Variants in DMXL2 observed in about 807,000 individuals in gnomAD.
DMXL2 encodes dmX-like protein 2.
A neutral mutation model predicts 331.1 loss-of-function variants in DMXL2; 103 were observed. That is an observed-to-expected ratio of 0.31 (90% confidence interval 0.27 to 0.37). The LOEUF is 0.37. DMXL2 is among the 10% of genes least tolerant of loss of function. The probability of loss-of-function intolerance (pLI) is 1.00; values close to 1 mark genes in which losing one functional copy is unlikely to be tolerated. For synonymous variants in DMXL2, 1,281 were observed against 1,252.1 expected (o/e 1.02, Z -0.49); for missense variants, 3,171 against 3,642.9 (o/e 0.87, Z 3.33).
intron 15 of DMXL2, 57 bp from the exon 16 acceptor site, chr15:51,507,310 A>C (rs2046463711): frequency 9.9e-6 from 15 of 1,510,714 alleles, no homozygotes; most frequent in Non-Finnish European, 1.3e-5. Context: ...GGTTAAAAAA[A>C]CACTTTTTAA....
At chr15:51,504,475 T>C (rs2043911533) in intron 16 of DMXL2, among the ~76,000 whole-genome samples, 1 of 152,240 alleles carries the variant, frequency 6.6e-6, no homozygotes, top group African/African-American at 2.4e-5. Flanking sequence ...TTCAGTTATC[T>C]GTTCTTCCGT....
At chr15:51,515,192 A>G (rs929728356) in intron 14 of DMXL2, among the ~76,000 whole-genome samples, 10 of 152,172 alleles carry the variant, frequency 6.6e-5, no homozygotes, top group African/African-American at 2.4e-4. Context: ...CTCCATGACC[A>G]TGTTTTAAGA....
At position 51,617,105 on chromosome 15, in the gene DMXL2, C is replaced by T. The variant is rs367685170; in HGVS notation, c.87+5354G>A. On this transcript the variant is annotated intron_variant, in intron 1 of 43. Transcript: ENST00000560891. ...TCTACTGTGCCATTATGGTTGTCAC[C>T]CAACATCCTGTGCTCTTTCAGATAA... is the stretch of plus-strand genomic sequence containing the variant. 1.1e-4 allele frequency among the ~76,000 whole-genome samples: 16 copies of T among 152,136 alleles called. No homozygotes were observed. The East Asian group carries it at 2.1e-3, about 20-fold the overall frequency.
chr15:51,594,335 G>A (rs888180994), intron 1 of DMXL2, among the ~76,000 whole-genome samples: 8 of 152,084 alleles, frequency 5.3e-5, no homozygotes, highest in East Asian at 1.9e-4. Context: ...TAAATTCCTC[G>A]ACACATACAC....
intron 8 of DMXL2, among the ~76,000 whole-genome samples, chr15:51,542,785 A>AT (rs984768941): frequency 2.6e-4 from 39 of 151,274 alleles, no homozygotes; most frequent in East Asian, 1.4e-3. Context: ...AGGTCCAAAG[A>AT]TTTTTTTTTC....
In DMXL2 at chr15:51,491,657, G is replaced by A. The variant is rs1295551782; in HGVS notation, c.4874C>T (p.Pro1625Leu). 1.2e-6 allele frequency: 2 copies of A among 1,613,328 alleles called. No homozygotes were observed. Among genetic ancestry groups the A allele is most frequent in the African/African-American group, 1.3e-5 (1 of 74,824 alleles). ...NMIPAIQRGD[P>L]QWSELRAMGI... ...CATAGCTCTTAATTCAGACCACTGG[G>A]GGTCCCCTCTCTGAATTGCTGGAAT... The change falls in exon 20 of 44, where the codon CCC becomes CTC. Residue 1625 changes from proline to leucine, a missense_variant. Around this residue, in one of 7 missense-constraint regions of DMXL2, gnomAD observed 252 missense variants for 387.4 expected, o/e 0.65. Coordinates refer to ENST00000560891, the MANE Select transcript of DMXL2 (RefSeq NM_001378457.1).
At chr15:51,449,280 T>G in intron 43 of DMXL2, 87 bp from the exon 44 acceptor site, 2 of 1,375,556 alleles carry the variant, frequency 1.5e-6, no homozygotes, top group Non-Finnish European at 2.0e-6. Context: ...GCCCAAGTGA[T>G]CTCACTAAAG....
intron 1 of DMXL2, among the ~76,000 whole-genome samples, chr15:51,583,107 TTTTTTTTTTTTTTC>T (rs760174405): frequency 0.042 from 1,430 of 33,896 alleles, 33 homozygotes; most frequent in East Asian, 0.33. Context: ...TTCATTCTTC[TTTTTTTTTTTTTTC>T]TTTTTTTTTT....
chr15:51,515,248 A>C (rs895978067), intron 14 of DMXL2, among the ~76,000 whole-genome samples: 2 of 152,188 alleles, frequency 1.3e-5, no homozygotes, highest in Non-Finnish European at 2.9e-5. Flanking sequence ...CTGAAGTTCA[A>C]GGAAAGGCTA....
At chr15:51,553,246 C>CA (rs1332648276) in intron 6 of DMXL2, among the ~76,000 whole-genome samples, 1 of 152,130 alleles carries the variant, frequency 6.6e-6, no homozygotes, top group Non-Finnish European at 1.5e-5. Flanking sequence ...CCAGCACACA[C>CA]AACAGTTCAG....
chr15:51,538,236 C>T lies in DMXL2; in HGVS notation c.1322G>A (p.Gly441Asp), dbSNP rs762302730. The T allele has an allele frequency of 3.1e-6, 5 of 1,613,192 alleles. No homozygotes were observed. The African/African-American group carries it at 4.0e-5, about 13-fold the overall frequency. The change falls in exon 10 of 44, where the codon GGT (glycine) becomes GAT (aspartate). Residue 441 changes from glycine to aspartate, a missense_variant. This residue lies in a region of DMXL2 where 1,674 missense variants were observed against 1,780.2 expected (regional missense o/e 0.94). Coordinates refer to ENST00000560891, the MANE Select transcript of DMXL2 (RefSeq NM_001378457.1). ...EEHSQEDRER[G>D]LHMKLDHDLS... The stretch of plus-strand genomic sequence containing the variant: ...ACCATGGTCTAATTTCATATGTAAA[C>T]CCCGTTCTCTATCCTCCTGTGAATG...
At chr15:51,560,997 A>G (rs1447252561) in intron 6 of DMXL2, among the ~76,000 whole-genome samples, 1 of 151,864 alleles carries the variant, frequency 6.6e-6, no homozygotes, top group African/African-American at 2.4e-5. Context: ...GTAATTTAAA[A>G]AAAATCAGAG....
chr15:51,501,285 T>C (rs1050115655), intron 17 of DMXL2, among the ~76,000 whole-genome samples: 6 of 152,192 alleles, frequency 3.9e-5, no homozygotes, highest in African/African-American at 1.2e-4. Flanking sequence ...ACCTCCAATT[T>C]TGGTTTCCCA....
chr15:51,452,541 C>T (rs749328186), intron 41 of DMXL2, among the ~76,000 whole-genome samples: 1 of 152,096 alleles, frequency 6.6e-6, no homozygotes, highest in African/African-American at 2.4e-5. Context: ...AACTCCAATA[C>T]GATACCACCT....
In DMXL2 at chr15:51,536,433, A is replaced by G. The variant is rs1254625794; in HGVS notation, c.2047T>C (p.Trp683Arg). 1.9e-6 allele frequency: 3 copies of G among 1,613,896 alleles called. No individual in the cohort carries two copies. Among genetic ancestry groups the G allele is most frequent in the South Asian group, 2.2e-5 (2 of 91,080 alleles). Residue 683 changes from tryptophan (W) to arginine (R), a missense_variant, in exon 12 of 44, where the codon TGG becomes CGG. This residue lies in a region of DMXL2 where 1,674 missense variants were observed against 1,780.2 expected (regional missense o/e 0.94). Transcript: ENST00000560891. ...ALLTPELDCQ[W>R]DSDNKLSRLM... ...CTACTTAATTTATTGTCTGAGTCCC[A>G]CTGACAATCTAATTCAGGAGTCAAT...
At position 51,550,603 on chromosome 15, in the gene DMXL2, T is replaced by C. The variant is rs79414009; in HGVS notation, c.568-3195A>G. ...CATGAGAACTCAAAAAAAGAAAAGA[T>C]AAATTCCATTTTTTGAAGAAAACAG... On this transcript the variant is annotated intron_variant, in intron 6 of 43. Transcript: ENST00000560891. 2.2e-3 allele frequency among the ~76,000 whole-genome samples: 342 copies of C among 152,084 alleles called. 2 individuals are homozygous for C. The highest frequency in any genetic ancestry group is 3.5e-3 in the Non-Finnish European group (236 of 67,982).
chr15:51,463,166 T>C, intron 33 of DMXL2: 2 of 372,226 alleles, frequency 5.4e-6, no homozygotes, highest in Non-Finnish European at 9.8e-6. Flanking sequence ...TTCACTTGAA[T>C]ATATGTAATT....
intron 1 of DMXL2, among the ~76,000 whole-genome samples, chr15:51,585,495 T>C (rs1440355002): frequency 1.3e-5 from 2 of 152,088 alleles, no homozygotes; most frequent in East Asian, 3.8e-4. Context: ...TTGTTTCCAG[T>C]CTTTTACTAT....
At chr15:51,449,281 C>G in intron 43 of DMXL2, 88 bp from the exon 44 acceptor site, 1 of 1,335,498 alleles carries the variant, frequency 7.5e-7, no homozygotes, top group East Asian at 2.4e-5. Context: ...CCCAAGTGAT[C>G]TCACTAAAGC....
Sources: gnomAD v4.1 joint callset for allele counts (sites outside exome capture counted in the v4.1 genomes callset) on GRCh38, gnomAD v4.1.1 for gene constraint, gnomAD v4.1.1 regional missense constraint, MANE v1.5 for transcripts, NCBI Gene and HGNC (gene_info 2026-07-23, HGNC 2026-07-21) for gene names.